Variants in DAB1 observed in about 807,000 individuals in gnomAD.
The protein encoded by DAB1 is disabled homolog 1.
Under a neutral mutation model 64.6 loss-of-function variants are expected in DAB1, and 15 were observed. The ratio of observed to expected loss-of-function variants is 0.23; its 90% CI spans 0.16 to 0.36. The LOEUF is 0.36. Ranked by LOEUF, DAB1 falls within the 10% of genes least tolerant of loss-of-function variation. DAB1 has a pLI of 1.00. For synonymous variants in DAB1, 235 were observed against 251.9 expected, an observed-to-expected ratio of 0.93 and a Z score of 0.64; for missense variants, 596 against 706.7, an observed-to-expected ratio of 0.84 and a Z score of 1.78.
At chr1:57,228,820 TAA>T (rs976755237) in intron 2 of DAB1, among the ~76,000 whole-genome samples, 5 of 152,200 alleles carry the variant, frequency 3.3e-5, no homozygotes, top group African/African-American at 1.2e-4. Flanking sequence ...GTAAACTACC[TAA>T]AGTCTCGTAA....
intron 3 of DAB1, among the ~76,000 whole-genome samples, 157 bp downstream of exon 3, chr1:57,145,133 T>C (rs1658986795): frequency 6.6e-6 from 1 of 152,220 alleles, no homozygotes; most frequent in African/African-American, 2.4e-5. Context: ...GCTGAATGAT[T>C]GAAATATCTT....
intron 1 of DAB1, among the ~76,000 whole-genome samples, chr1:57,414,666 G>A (rs1477881333): frequency 6.6e-6 from 1 of 151,994 alleles, no homozygotes; most frequent in Non-Finnish European, 1.5e-5. Context: ...CTCCTCTCCT[G>A]ACTATTTGCC....
intron 6 of DAB1, among the ~76,000 whole-genome samples, chr1:57,748,474 A>G (rs1161570427): frequency 6.6e-6 from 1 of 152,222 alleles, no homozygotes; most frequent in African/African-American, 2.4e-5. Flanking sequence ...TATGTTAAAA[A>G]TCTAAAACAT....
At chr1:57,150,601 CAT>C (rs1020926690) in intron 2 of DAB1, among the ~76,000 whole-genome samples, 6 of 152,088 alleles carry the variant, frequency 3.9e-5, no homozygotes, top group African/African-American at 1.4e-4. Flanking sequence ...CAGCTCTGGT[CAT>C]ATTTTGTTAA....
At chr1:57,932,467 A>AAT (rs1553144851) in intron 5 of DAB1, among the ~76,000 whole-genome samples, 1 of 113,484 alleles carries the variant, frequency 8.8e-6, no homozygotes, top group African/African-American at 3.6e-5. Flanking sequence ...AAGCCCAGCT[A>AAT]ATTTTTTTTT....
intron 1 of DAB1, among the ~76,000 whole-genome samples, chr1:58,537,691 A>C (rs944180797): frequency 6.6e-6 from 1 of 152,204 alleles, no homozygotes; most frequent in Admixed American, 6.5e-5. Flanking sequence ...TTTATTTTAC[A>C]AATTCTTAAA....
intron 1 of DAB1, among the ~76,000 whole-genome samples, chr1:57,848,571 G>A (rs1477504367): frequency 6.6e-6 from 1 of 152,120 alleles, no homozygotes; most frequent in Non-Finnish European, 1.5e-5. Context: ...AGGGATGGTT[G>A]TGTTAAGAAG....
At chr1:57,622,364 T>C in intron 7 of DAB1, among the ~76,000 whole-genome samples, 1 of 152,330 alleles carries the variant, frequency 6.6e-6, no homozygotes, top group Middle Eastern at 3.4e-3. Context: ...GTGGCAGAGC[T>C]GGACATAGAT....
At chr1:58,144,570 C>T (rs755570458) in intron 5 of DAB1, among the ~76,000 whole-genome samples, 10 of 152,338 alleles carry the variant, frequency 6.6e-5, no homozygotes, top group Admixed American at 1.3e-4. Flanking sequence ...GGGGTATGTC[C>T]TCATTTTACA....
At chr1:57,377,431 G>A (rs776841346) in intron 1 of DAB1, among the ~76,000 whole-genome samples, 17 of 152,052 alleles carry the variant, frequency 1.1e-4, no homozygotes, top group Non-Finnish European at 1.8e-4. Context: ...CCACAGAATC[G>A]AAATCTTTGG....
intron 5 of DAB1, among the ~76,000 whole-genome samples, chr1:58,083,285 G>A (rs2100596344): frequency 6.6e-6 from 1 of 152,302 alleles, no homozygotes; most frequent in Non-Finnish European, 1.5e-5. Context: ...ATGAGACCCT[G>A]AGGACAGAAG....
chr1:58,174,459 G>A (rs1407901339), intron 4 of DAB1, among the ~76,000 whole-genome samples: 2 of 152,182 alleles, frequency 1.3e-5, no homozygotes, highest in Non-Finnish European at 2.9e-5. Context: ...CGACCTGCTG[G>A]CCCTCTGACT....
chr1:57,839,585 C>G (rs1483824405), intron 1 of DAB1, among the ~76,000 whole-genome samples: 2 of 152,202 alleles, frequency 1.3e-5, no homozygotes, highest in African/African-American at 2.4e-5. Flanking sequence ...TTTGCAGGTC[C>G]TTAAACACAA....
intron 3 of DAB1, among the ~76,000 whole-genome samples, chr1:58,433,475 G>A (rs1468605282): frequency 6.6e-6 from 1 of 151,934 alleles, no homozygotes; most frequent in African/African-American, 2.4e-5. Flanking sequence ...CTGGAGCAGG[G>A]AAGTCCGAGA....
intron 6 of DAB1, among the ~76,000 whole-genome samples, chr1:57,809,871 C>T (rs1438502544): frequency 6.6e-6 from 1 of 152,158 alleles, no homozygotes; most frequent in East Asian, 1.9e-4. Context: ...TGTGCCTCTC[C>T]TCCTTGAAAG....
At chr1:58,490,460 A>C (rs371479905) in intron 3 of DAB1, among the ~76,000 whole-genome samples, 1 of 152,284 alleles carries the variant, frequency 6.6e-6, no homozygotes, top group South Asian at 2.1e-4. Context: ...CCAAATCTAC[A>C]TCTGATTGGT....
chr1:57,781,772 A>G (rs12069499), intron 6 of DAB1, among the ~76,000 whole-genome samples: 2,021 of 151,930 alleles, frequency 0.013, 43 homozygotes, highest in African/African-American at 0.047. Context: ...TAAATTGGGC[A>G]AATTATTTAC....
chr1:58,126,989 G>A (rs1277538117), intron 5 of DAB1, among the ~76,000 whole-genome samples: 1 of 149,628 alleles, frequency 6.7e-6, no homozygotes, highest in Non-Finnish European at 1.5e-5. Flanking sequence ...TGGGATGGCT[G>A]GGTCAAATGG....
intron 5 of DAB1, among the ~76,000 whole-genome samples, chr1:58,078,971 G>A (rs778002118): frequency 1.3e-5 from 2 of 152,202 alleles, no homozygotes; most frequent in Non-Finnish European, 2.9e-5. Flanking sequence ...AAGGCCATCT[G>A]GAGAGCAGGC....
Sources: gnomAD v4.1 joint callset for allele counts (sites outside exome capture counted in the v4.1 genomes callset) on GRCh38, gnomAD v4.1.1 for gene constraint, MANE v1.5 for transcripts, NCBI Gene and HGNC (gene_info 2026-07-23, HGNC 2026-07-21) for gene names.